The following ARSL variants were observed in gnomAD, a reference collection of about 807,000 sequenced individuals.
The protein encoded by ARSL is arylsulfatase E (chondrodysplasia punctata 1).
ARSL carries 4 observed loss-of-function variants against 31.1 expected under a neutral mutation model. The ratio of observed to expected loss-of-function variants is 0.13; its 90% CI spans 0.06 to 0.29. The LOEUF (loss-of-function observed/expected upper bound fraction) is 0.29, where lower values mean the gene tolerates loss of function less well. Among genes scored for constraint, ARSL ranks in the 10% least tolerant of loss-of-function variants. The probability of loss-of-function intolerance (pLI) is 1.00; values close to 1 mark genes in which losing one functional copy is unlikely to be tolerated. For missense variants in ARSL, 312 were observed against 497.8 expected, an observed-to-expected ratio of 0.63 and a Z score of 3.55; for synonymous variants, 198 against 209.9, an observed-to-expected ratio of 0.94 and a Z score of 0.49.
rs372031284 is a variant in ARSL at position 2,949,456 on chromosome X, G to A, written c.702C>T (p.Ala234=). 4 of 1,209,055 alleles carry A rather than the reference G, an allele frequency of 3.3e-6. No individual in the cohort carries two copies. Among genetic ancestry groups the A allele is most frequent in the Non-Finnish European group, 3.4e-6 (3 of 895,115 alleles). The part of the protein sequence containing the change: ...WMPVIWSALS[A]VLLLASSYFV... ...AATAGGAGCTTGCGAGGAGGAGGACGGCCGAAAGGGCTGACCAGATGACCG... is the reference window on the plus strand; with the variant it reads ...AATAGGAGCTTGCGAGGAGGAGGACAGCCGAAAGGGCTGACCAGATGACCG... The change falls in exon 6 of 11, where the codon GCC becomes GCT. Residue 234 remains alanine (A), a synonymous_variant. Transcript: ENST00000381134.
rs1341359606 is a variant in ARSL, at chrX:2,938,158, G to C, written c.1226C>G (p.Thr409Arg). ...GGTGGGGAACACGTCCATCAGACTCGTGGGCTCGCCAATCACTCGGCCGGC... is the reference window on the plus strand; with the variant it reads ...GGTGGGGAACACGTCCATCAGACTCCTGGGCTCGCCAATCACTCGGCCGGC... Reference protein sequence around the residue: ...LPAGRVIGEPTSLMDVFPTVV... With the variant: ...LPAGRVIGEPRSLMDVFPTVV... The change falls in exon 9 of 11, where the codon ACG (threonine) becomes AGG (arginine). Residue 409 changes from threonine to arginine, a missense_variant. Physicochemically the swap from Thr to Arg is moderately conservative, Grantham distance 71. Coordinates refer to ENST00000381134, the MANE Select transcript of ARSL (RefSeq NM_000047.3). 8.3e-7 allele frequency: 1 copy of C among 1,210,551 alleles called. No homozygotes were observed. The highest frequency in any genetic ancestry group is 1.7e-5 in the African/African-American group (1 of 57,395).
chrX:2,960,943 G>A (rs1182289610), intron 1 of ARSL, among the ~76,000 whole-genome samples: 1 of 111,286 alleles, frequency 9.0e-6, no homozygotes, highest in African/African-American at 3.3e-5. Flanking sequence ...GAGAGGCTGC[G>A]CGTGGTGGCT....
At chrX:2,942,544 G>A (rs1253372884) in intron 8 of ARSL, among the ~76,000 whole-genome samples, 3 of 111,307 alleles carry the variant, frequency 2.7e-5, no homozygotes, top group East Asian at 2.8e-4. Context: ...CACGCACCTC[G>A]GCTTCCCAAA....
Position 2,955,554 on chromosome X carries a change from TA to T in ARSL, c.186-18del. On this transcript the variant is annotated intron_variant, in intron 3 of 10. Transcript: ENST00000381134. ...TTCGGAGTCCTATGGAGGGACAAATTAACAGCTTTACTTGTTAAAATTAGAC... is the reference window on the plus strand; with the variant it reads ...TTCGGAGTCCTATGGAGGGACAAATTACAGCTTTACTTGTTAAAATTAGAC... 1 of 1,209,575 alleles carries T rather than the reference TA, an allele frequency of 8.3e-7. No homozygotes were observed. Among genetic ancestry groups the T allele is most frequent in the Non-Finnish European group, 1.1e-6 (1 of 894,056 alleles).
chrX:2,945,841 G>C (rs921586848), intron 7 of ARSL, among the ~76,000 whole-genome samples, 157 bp downstream of exon 7: 2 of 112,527 alleles, frequency 1.8e-5, no homozygotes, highest in Non-Finnish European at 3.7e-5. Flanking sequence ...TGCTAATGCA[G>C]TGAAGATCTG....
At chrX:2,935,693 T>TTTTCTTTTC (rs200865443) in intron 10 of ARSL, among the ~76,000 whole-genome samples, 17 of 86,603 alleles carry the variant, frequency 2.0e-4, no homozygotes, top group African/African-American at 8.0e-4. Context: ...TTTTCTTTTC[T>TTTTCTTTTC]TTTTTTTTTT....
chrX:2,958,570 A>C, intron 2 of ARSL, 135 bp from the exon 3 acceptor site: 1 of 771,211 alleles, frequency 1.3e-6, no homozygotes, highest in Non-Finnish European at 1.9e-6. Flanking sequence ...TCTCTTAGGC[A>C]TTTGATTGTT....
At chrX:2,935,777 A>T (rs1305978074) in intron 10 of ARSL, among the ~76,000 whole-genome samples, 1 of 107,400 alleles carries the variant, frequency 9.3e-6, no homozygotes, top group Admixed American at 1.0e-4. Context: ...TCCTGGGTTC[A>T]AGTGATTCTC....
In ARSL at chrX:2,957,003, C is replaced by T. The variant is rs750033121; in HGVS notation, c.185+1271G>A. On this transcript the variant is annotated intron_variant, in intron 3 of 10. Coordinates refer to ENST00000381134, the MANE Select transcript of ARSL (RefSeq NM_000047.3). ...TTGGGAGGCTGAGGCAGGCAGATCA[C>T]GAGGTCAGGAGATTGAGACCATCCT... Among the ~76,000 whole-genome samples, 5 of 106,232 alleles carry T rather than the reference C, an allele frequency of 4.7e-5. No individual in the cohort carries two copies. The South Asian group carries it at 1.3e-3, about 29-fold the overall frequency. 92.2% of individuals were successfully genotyped at this position (106,232 alleles called of 115,157 possible). A position where few individuals can be genotyped will look rare whatever the true frequency, so the allele number is the denominator to read the frequency against.
chrX:2,960,455 C>G (rs1275949482), intron 1 of ARSL, 35 bp from the exon 2 acceptor site: 3 of 1,193,447 alleles, frequency 2.5e-6, no homozygotes, highest in East Asian at 5.9e-5. Flanking sequence ...ATCACATTGA[C>G]AGCAGAAATT....
At chrX:2,957,708 C>CAA (rs761423845) in intron 3 of ARSL, among the ~76,000 whole-genome samples, 1,467 of 53,953 alleles carry the variant, frequency 0.027, 38 homozygotes, top group African/African-American at 0.087. Context: ...GATTCTGTCT[C>CAA]AAAAAAAAAA....
chrX:2,956,279 G>A (rs1056987115), intron 3 of ARSL, among the ~76,000 whole-genome samples: 2 of 111,620 alleles, frequency 1.8e-5, no homozygotes, highest in Non-Finnish European at 3.8e-5. Context: ...AGATGGACAC[G>A]CCATATTTTG....
rs1310254532 is a variant in ARSL, at chrX:2,934,623, G to C, written c.*209C>G. On this transcript the variant is annotated 3_prime_UTR_variant, in exon 11 of 11. Transcript: ENST00000381134. ...CCTGAGAAGCTAGAACTACAGGCGT[G>C]TGCCACCATGCAGGCTAATTTTTTT... The C allele has an allele frequency of 1.5e-5, 6 of 402,456 alleles. No individual in the cohort carries two copies. The highest frequency in any genetic ancestry group is 2.6e-5 in the Non-Finnish European group (6 of 230,628). The allele number at this position is 402,456 out of a possible 1,213,427, so 33.2% of individuals were successfully genotyped here.
intron 5 of ARSL, among the ~76,000 whole-genome samples, chrX:2,952,558 C>T (rs1390273780): frequency 8.9e-6 from 1 of 111,859 alleles, no homozygotes; most frequent in Non-Finnish European, 1.9e-5. Flanking sequence ...CTGCCACCAT[C>T]ACCTGGGGGG....
chrX:2,955,383 T>C, intron 4 of ARSL, 33 bp downstream of exon 4: 1 of 1,210,545 alleles, frequency 8.3e-7, no homozygotes. Flanking sequence ...TACACCAGGC[T>C]GCACCCTAGT....
At chrX:2,943,778 C>T (rs2089317799) in intron 7 of ARSL, among the ~76,000 whole-genome samples, 1 of 91,386 alleles carries the variant, frequency 1.1e-5, no homozygotes, top group Non-Finnish European at 2.1e-5. Context: ...AAAAGTGAGG[C>T]ATGTGAATAT....
At chrX:2,947,020 C>T (rs1248300743) in intron 6 of ARSL, among the ~76,000 whole-genome samples, 1 of 110,452 alleles carries the variant, frequency 9.1e-6, no homozygotes, top group Admixed American at 9.7e-5. Context: ...CCCATCTCTA[C>T]TAAAAATACA....
chrX:2,937,868 T>A (rs978121452), intron 9 of ARSL, among the ~76,000 whole-genome samples: 4 of 111,978 alleles, frequency 3.6e-5, no homozygotes, highest in African/African-American at 9.7e-5. Flanking sequence ...GGTCTAGTGA[T>A]CATTTCCAGC....
chrX:2,940,762 C>T lies in ARSL; in HGVS notation c.1126+2303G>A, dbSNP rs2089269934. 4.6e-5 allele frequency among the ~76,000 whole-genome samples: 5 copies of T among 109,852 alleles called. No individual in the cohort carries two copies. In the South Asian group the frequency reaches 2.0e-3, roughly 43 times the overall value. ...ACCAGCCTGGGCAACATGGCAAAAC[C>T]CCATCTCTACAAAAATACAAAAATT... On this transcript the variant is annotated intron_variant, in intron 8 of 10. Coordinates refer to ENST00000381134, the MANE Select transcript of ARSL (RefSeq NM_000047.3).
Sources: gnomAD v4.1 joint callset for allele counts (sites outside exome capture counted in the v4.1 genomes callset) on GRCh38, gnomAD v4.1.1 for gene constraint, MANE v1.5 for transcripts, NCBI Gene and HGNC (gene_info 2026-07-23, HGNC 2026-07-21) for gene names.